Variants in ANKRD24 observed in about 807,000 individuals in gnomAD.
ANKRD24 encodes the protein ankyrin repeat domain 24.
In ANKRD24, 109 loss-of-function variants were observed where a neutral mutation model predicts 127.8. That is an observed-to-expected ratio of 0.85 (90% CI 0.73 to 1.00). The LOEUF is 1.00. Among genes scored for constraint, ANKRD24 ranks in the 50% least tolerant of loss-of-function variants. The pLI is 0.00. For synonymous variants in ANKRD24, 743 were observed against 671.1 expected, an observed-to-expected ratio of 1.11 and a Z score of -1.66; for missense variants, 1,648 against 1,570.2, an observed-to-expected ratio of 1.05 and a Z score of -0.84.
Position 4,206,962 on chromosome 19 carries a change from G to C in ANKRD24, c.467-280G>C. 1.0e-5 allele frequency: 5 copies of C among 495,330 alleles called. 1 individual carries two copies. The South Asian group carries it at 1.3e-4, about 12-fold the overall frequency. The allele number at this position is 495,330 out of a possible 1,614,324, so 30.7% of individuals were successfully genotyped here. A position where few individuals can be genotyped will look rare whatever the true frequency, so the allele number is the denominator to read the frequency against. On this transcript the variant is annotated intron_variant, in intron 7 of 21. Transcript: ENST00000318934. ...ACTCTGTCACCCAGGCTGGTTTGCA[G>C]TGGTGCCATCATGGTTCACTGCAGC...
intron 1 of ANKRD24, 145 bp from the exon 2 acceptor site, chr19:4,186,245 A>C (rs943662139): frequency 7.0e-7 from 1 of 1,434,420 alleles, no homozygotes; most frequent in African/African-American, 1.4e-5. Context: ...AGCAGGTAGG[A>C]GATAGAGCAG....
intron 2 of ANKRD24, among the ~76,000 whole-genome samples, chr19:4,197,081 C>T: frequency 6.6e-6 from 1 of 152,162 alleles, no homozygotes; most frequent in East Asian, 1.9e-4. Flanking sequence ...CCTTGGCATC[C>T]TCCCGGTAAC....
rs1970178885 is a variant in ANKRD24 at position 4,217,534 on chromosome 19, G to A, written c.2374G>A (p.Glu792Lys). Reference protein sequence around the residue: ...GDTTQLRAALEQAREDLRDRD... With the variant: ...GDTTQLRAALKQAREDLRDRD... Reference sequence around the variant, plus strand: ...CACCACACAGCTGCGGGCGGCCCTGGAGCAGGCCCGGGAGGACCTCCGAGA... The same window carrying A: ...CACCACACAGCTGCGGGCGGCCCTGAAGCAGGCCCGGGAGGACCTCCGAGA... The change falls in exon 18 of 22, where the codon GAG becomes AAG. Residue 792 changes from glutamate (E) to lysine (K), a missense_variant. Transcript: ENST00000318934. The A allele has an allele frequency of 1.2e-5, 16 of 1,352,870 alleles. No individual in the cohort carries two copies. The South Asian group carries it at 2.6e-4, about 22-fold the overall frequency. The allele number at this position is 1,352,870 out of a possible 1,614,324, so 83.8% of individuals were successfully genotyped here.
chr19:4,224,006 T>C, intron 20 of ANKRD24, 121 bp from the exon 21 acceptor site: 1 of 735,930 alleles, frequency 1.4e-6, no homozygotes. Context: ...CGCCATATTT[T>C]CATATTTTAG....
At chr19:4,215,346 G>A (rs927472660) in intron 15 of ANKRD24, among the ~76,000 whole-genome samples, 1 of 152,032 alleles carries the variant, frequency 6.6e-6, no homozygotes, top group Non-Finnish European at 1.5e-5. Flanking sequence ...TTAGCCAGGC[G>A]TGGTGGTACA....
intron 15 of ANKRD24, among the ~76,000 whole-genome samples, 194 bp from the exon 16 acceptor site, chr19:4,215,784 A>AAAAAT (rs1252874898): frequency 6.6e-6 from 1 of 150,492 alleles, no homozygotes; most frequent in East Asian, 2.0e-4. Context: ...CCAAAAAAAA[A>AAAAAT]AAAAGTGGCA....
intron 15 of ANKRD24, among the ~76,000 whole-genome samples, chr19:4,213,225 CCT>C (rs1450797165): frequency 1.2e-4 from 11 of 94,236 alleles, no homozygotes; most frequent in African/African-American, 4.6e-4. Context: ...CCTTCTCCTT[CCT>C]TCCTTCCCTC....
At chr19:4,220,837 G>A in intron 19 of ANKRD24, among the ~76,000 whole-genome samples, 1 of 151,792 alleles carries the variant, frequency 6.6e-6, no homozygotes. Flanking sequence ...TTACAGGCGT[G>A]AGTCACCGCG....
intron 20 of ANKRD24, 21 bp from the exon 21 acceptor site, chr19:4,224,106 G>A (rs746592750): frequency 1.4e-5 from 22 of 1,608,674 alleles, no homozygotes; most frequent in South Asian, 4.4e-5. Flanking sequence ...TCTTCTGAGC[G>A]CCCCTTCCTC....
chr19:4,224,588 C>G lies in ANKRD24; in HGVS notation c.*83C>G, dbSNP rs558275820. On this transcript the variant is annotated 3_prime_UTR_variant, in exon 22 of 22. Coordinates refer to ENST00000318934, the MANE Select transcript of ANKRD24 (RefSeq NM_001393985.1). ...GCAGGCCCCTTGCAGACCGGCTTCA[C>G]TTGGCTTCACTTGGCCCTATCCAGG... is the stretch of plus-strand genomic sequence containing the variant. 491 of 1,276,830 alleles carry G rather than the reference C, an allele frequency of 3.8e-4. 5 individuals are homozygous for G. In the South Asian group the frequency reaches 6.2e-3, roughly 16 times the overall value. 79.1% of individuals were successfully genotyped at this position (1,276,830 alleles called of 1,614,324 possible). A position where few individuals can be genotyped will look rare whatever the true frequency, so the allele number is the denominator to read the frequency against.
At chr19:4,205,001 C>A (rs1418342585) in intron 7 of ANKRD24, among the ~76,000 whole-genome samples, 1 of 151,990 alleles carries the variant, frequency 6.6e-6, no homozygotes, top group East Asian at 1.9e-4. Context: ...ACTTTGGGAG[C>A]CTGAGGCGGG....
At chr19:4,194,980 T>C (rs1968616060) in intron 2 of ANKRD24, among the ~76,000 whole-genome samples, 2 of 151,970 alleles carry the variant, frequency 1.3e-5, no homozygotes, top group Non-Finnish European at 1.5e-5. Context: ...ATTGATTGAT[T>C]TTTTTCAGAT....
chr19:4,189,416 A>G (rs1968258541), intron 2 of ANKRD24, among the ~76,000 whole-genome samples: 1 of 150,580 alleles, frequency 6.6e-6, no homozygotes, highest in Non-Finnish European at 1.5e-5. Flanking sequence ...ACGCCCAGCA[A>G]TTTTTTTTGT....
chr19:4,204,625 A>G (rs143218487), intron 7 of ANKRD24, among the ~76,000 whole-genome samples: 1 of 152,136 alleles, frequency 6.6e-6, no homozygotes, highest in Non-Finnish European at 1.5e-5. Flanking sequence ...TTGAACCAGA[A>G]CTCAGCCCCC....
At chr19:4,215,775 C>CAAA (rs71166978) in intron 15 of ANKRD24, among the ~76,000 whole-genome samples, 1 of 141,470 alleles carries the variant, frequency 7.1e-6, no homozygotes. Flanking sequence ...ACCCTGGCTC[C>CAAA]AAAAAAAAAA....
chr19:4,224,076 C>T lies in ANKRD24; in HGVS notation c.3298-51C>T, dbSNP rs371835454. ...AGGGTGCTTTTTGGTGTGTTTTGCT[C>T]AGTGGGGAGGTGCTCCTGCTCTTCT... On this transcript the variant is annotated intron_variant, in intron 20 of 21. Transcript: ENST00000318934. 5.2e-5 allele frequency: 79 copies of T among 1,522,538 alleles called. No homozygotes were observed. The African/African-American group carries it at 1.0e-3, about 19-fold the overall frequency. The allele number at this position is 1,522,538 out of a possible 1,614,324, so 94.3% of individuals were successfully genotyped here.
rs775072240 is a variant in ANKRD24 at position 4,216,993 on chromosome 19, C to T, written c.1833C>T (p.Thr611=). The change falls in exon 18 of 22, where the codon ACC becomes ACT. Residue 611 remains threonine (T), a synonymous_variant. Transcript: ENST00000318934. ...GGGCTGAGGTCAGAGAAATGGAGAC[C>T]ACAGAAGAAGAAGCAAACATGGAAA... ...PTGAEVREME[T]TEEEANMETK... is the part of the protein sequence containing the mutation. The T allele has an allele frequency of 1.9e-6, 3 of 1,613,414 alleles. No individual in the cohort carries two copies. The highest frequency in any genetic ancestry group is 2.5e-6 in the Non-Finnish European group (3 of 1,179,700).
Position 4,199,753 on chromosome 19 carries a change from C to G in ANKRD24, c.107C>G (p.Ala36Gly), listed in dbSNP as rs1167180889. 2.0e-6 allele frequency: 3 copies of G among 1,537,648 alleles called. No individual in the cohort carries two copies. The highest frequency in any genetic ancestry group is 2.4e-5 in the South Asian group (2 of 83,748). ...CCCTGCCCCATCCCGAAGCCGGCAG[C>G]CAGAGGCAGGCGCCAGGCAAGTGCC... ...CGPCPIPKPA[A>G]RGRRQSQDWG... Residue 36 changes from alanine (A) to glycine (G), a missense_variant, in exon 3 of 22, where the codon GCC becomes GGC. Transcript: ENST00000318934. This position sits in a 1 kb window ranked among gnomAD's most constrained non-coding sequence, Gnocchi z 5.2.
intron 11 of ANKRD24, 55 bp from the exon 12 acceptor site, chr19:4,210,003 G>A: frequency 9.2e-7 from 1 of 1,083,316 alleles, no homozygotes; most frequent in East Asian, 2.6e-5. Flanking sequence ...CTGTGGGGGA[G>A]GCTGGCATGG....
Sources: gnomAD v4.1 joint callset for allele counts (sites outside exome capture counted in the v4.1 genomes callset) on GRCh38, gnomAD v4.1.1 for gene constraint, Gnocchi (gnomAD v3.1) non-coding constraint, MANE v1.5 for transcripts, NCBI Gene and HGNC (gene_info 2026-07-23, HGNC 2026-07-21) for gene names.